The following MCM3 variants were observed in gnomAD, a reference collection of about 807,000 sequenced individuals.
MCM3 encodes minichromosome maintenance complex component 3.
Under a neutral mutation model 91.3 loss-of-function variants are expected in MCM3, and 59 were observed. That is an observed-to-expected ratio of 0.65 (90% CI 0.52 to 0.80). The LOEUF (loss-of-function observed/expected upper bound fraction) is 0.80. Among genes scored for constraint, MCM3 ranks in the 30% least tolerant of loss-of-function variants. The pLI, the probability that MCM3 is intolerant of heterozygous loss-of-function variation, is 0.00. For synonymous variants in MCM3, 383 were observed against 379.6 expected (o/e 1.01, Z -0.10); for missense variants, 919 against 1,035.4 (o/e 0.89, Z 1.54).
chr6:52,283,696 TA>T (rs1766365119), intron 1 of MCM3, among the ~76,000 whole-genome samples: 1 of 152,238 alleles, frequency 6.6e-6, no homozygotes, highest in African/African-American at 2.4e-5. Context: ...AGTGGAGAAT[TA>T]AAATGAGCTC....
intron 13 of MCM3, among the ~76,000 whole-genome samples, 182 bp downstream of exon 13, chr6:52,268,904 A>G (rs931193374): frequency 6.6e-6 from 1 of 152,348 alleles, no homozygotes; most frequent in African/African-American, 2.4e-5. Flanking sequence ...TCTCTGGTGC[A>G]GTCAGGGTTG....
chr6:52,264,997 T>A (rs1020105732), intron 16 of MCM3, among the ~76,000 whole-genome samples: 1 of 152,332 alleles, frequency 6.6e-6, no homozygotes, highest in East Asian at 1.9e-4. Flanking sequence ...GAAATTGGCA[T>A]TCCCATTCAC....
At chr6:52,271,638 G>A (rs1435466773) in intron 12 of MCM3, among the ~76,000 whole-genome samples, 20 of 152,026 alleles carry the variant, frequency 1.3e-4, no homozygotes, top group Admixed American at 1.3e-3. Context: ...GTGAAACTCT[G>A]TCTCACCAAA....
At chr6:52,269,956 A>G (rs1764962244) in intron 12 of MCM3, among the ~76,000 whole-genome samples, 1 of 152,190 alleles carries the variant, frequency 6.6e-6, no homozygotes, top group Non-Finnish European at 1.5e-5. Flanking sequence ...CATTTTATGG[A>G]TAAGAAAGCT....
intron 4 of MCM3, among the ~76,000 whole-genome samples, chr6:52,280,033 T>G (rs1765942927): frequency 6.6e-6 from 1 of 152,180 alleles, no homozygotes; most frequent in African/African-American, 2.4e-5. Context: ...TTCACATAAA[T>G]GAATACTATA....
At chr6:52,280,541 CAG>C (rs1185347162) in intron 4 of MCM3, among the ~76,000 whole-genome samples, 1 of 152,218 alleles carries the variant, frequency 6.6e-6, no homozygotes, top group Non-Finnish European at 1.5e-5. Context: ...AGTTAAGTAG[CAG>C]AGTCTTGACT....
intron 1 of MCM3, among the ~76,000 whole-genome samples, chr6:52,283,867 A>G (rs1279609852): frequency 1.3e-5 from 2 of 152,264 alleles, no homozygotes; most frequent in Non-Finnish European, 2.9e-5. Flanking sequence ...CTTCAAATAT[A>G]TACAATAAAA....
In MCM3 at chr6:52,283,321, C is replaced by T. The variant is rs750663816; in HGVS notation, c.164G>A (p.Arg55His). Reference protein sequence around the residue: ...YRLIVNVNDLRRKNEKRANRL... With the variant: ...YRLIVNVNDLHRKNEKRANRL... The stretch of plus-strand genomic sequence containing the variant: ...GTTAGCCCTCTTCTCGTTTTTCCTG[C>T]GCAGGTCATTCACATTGACAATCAG... Residue 55 changes from arginine (R) to histidine (H), a missense_variant, in exon 2 of 17, where the codon CGC (arginine) becomes CAC (histidine). Arg to His is a conservative substitution (Grantham distance 29). Coordinates refer to ENST00000596288, the MANE Select transcript of MCM3 (RefSeq NM_002388.6). 8 of 1,613,994 alleles carry T rather than the reference C, an allele frequency of 5.0e-6. No individual in the cohort carries two copies. Among genetic ancestry groups the T allele is most frequent in the African/African-American group, 1.3e-5 (1 of 74,900 alleles).
chr6:52,281,828 TA>T (rs1280683542), intron 4 of MCM3, among the ~76,000 whole-genome samples: 1 of 152,220 alleles, frequency 6.6e-6, no homozygotes, highest in Non-Finnish European at 1.5e-5. Flanking sequence ...TTAGGCAACA[TA>T]GGAGAACCTC....
chr6:52,264,536 A>G lies in MCM3; in HGVS notation c.*52T>C. 2.5e-6 allele frequency: 4 copies of G among 1,597,134 alleles called. No individual in the cohort carries two copies. The highest frequency in any genetic ancestry group is 3.4e-6 in the Non-Finnish European group (4 of 1,165,172). The stretch of plus-strand genomic sequence containing the variant: ...AGACTTGGGTCAGGGAGAGGGTGGG[A>G]AACACAGAACAAACTCTCTCGGCAC... On this transcript the variant is annotated 3_prime_UTR_variant, in exon 17 of 17. Coordinates refer to ENST00000596288, the MANE Select transcript of MCM3 (RefSeq NM_002388.6).
intron 9 of MCM3, among the ~76,000 whole-genome samples, chr6:52,275,645 T>C (rs973679228): frequency 1.3e-5 from 2 of 152,124 alleles, no homozygotes; most frequent in Non-Finnish European, 2.9e-5. Flanking sequence ...TCATTCAAAA[T>C]AGGGAGGAAA....
At chr6:52,268,011 T>C (rs773809751) in intron 13 of MCM3, 43 bp from the exon 14 acceptor site, 16 of 1,613,622 alleles carry the variant, frequency 9.9e-6, no homozygotes, top group African/African-American at 2.7e-5. Context: ...GGGTCACTGA[T>C]GCAGGGGAAC....
chr6:52,265,990 T>C (rs187161083), intron 16 of MCM3, 85 bp downstream of exon 16: 220 of 1,186,272 alleles, frequency 1.9e-4, no homozygotes, highest in Admixed American at 9.1e-4. Context: ...CAGCAGTTTG[T>C]TTCCCACCCT....
intron 12 of MCM3, among the ~76,000 whole-genome samples, chr6:52,270,528 T>C (rs1765042836): frequency 6.6e-6 from 1 of 152,176 alleles, no homozygotes; most frequent in Non-Finnish European, 1.5e-5. Context: ...TGTAATAATT[T>C]AGAAAGCTAC....
At position 52,276,253 on chromosome 6, in the gene MCM3, C is replaced by T. The variant is rs1374883858; in HGVS notation, c.1374+15G>A. ...ATGAAGGTGAGGACAATGGTTGGGGCCTGATTCCACTTACCCTGCCGTAGA... is the reference window on the plus strand; with the variant it reads ...ATGAAGGTGAGGACAATGGTTGGGGTCTGATTCCACTTACCCTGCCGTAGA... On this transcript the variant is annotated intron_variant, in intron 9 of 16. Transcript: ENST00000596288. The T allele has an allele frequency of 1.9e-6, 3 of 1,600,914 alleles. No homozygotes were observed. Among genetic ancestry groups the T allele is most frequent in the East Asian group, 2.3e-5 (1 of 44,434 alleles).
intron 1 of MCM3, among the ~76,000 whole-genome samples, chr6:52,284,165 G>C (rs1055586889): frequency 6.6e-6 from 1 of 152,142 alleles, no homozygotes; most frequent in Non-Finnish European, 1.5e-5. Context: ...GAATGCAGCC[G>C]AATTATGGAG....
At chr6:52,267,747 AACTCCTGGACTCAAGTGACCC>A in intron 14 of MCM3, 97 bp downstream of exon 14, 1 of 679,880 alleles carries the variant, frequency 1.5e-6, no homozygotes, top group South Asian at 1.6e-5. Flanking sequence ...GCTGGTCTCA[AACTCCTGGACTCAAGTGACCC>A]ACCCGCCTCG....
At chr6:52,281,458 T>C (rs1037498111) in intron 4 of MCM3, among the ~76,000 whole-genome samples, 1 of 152,068 alleles carries the variant, frequency 6.6e-6, no homozygotes, top group African/African-American at 2.4e-5. Context: ...GGAGGATCAC[T>C]TGAGGCCACG....
Position 52,264,456 on chromosome 6 carries a change from C to A in MCM3, c.*132G>T, listed in dbSNP as rs1231301253. The A allele has an allele frequency of 3.0e-6, 3 of 984,112 alleles. No homozygotes were observed. The highest frequency in any genetic ancestry group is 4.6e-6 in the Non-Finnish European group (3 of 653,292). 61.0% of individuals were successfully genotyped at this position (984,112 alleles called of 1,614,324 possible). On this transcript the variant is annotated 3_prime_UTR_variant, in exon 17 of 17. Coordinates refer to ENST00000596288, the MANE Select transcript of MCM3 (RefSeq NM_002388.6). ...CACCGAGTCCTGAACTCAGCTTCATCACCAACATTCCTCGCCTTCAGTTGA... is the reference window on the plus strand; with the variant it reads ...CACCGAGTCCTGAACTCAGCTTCATAACCAACATTCCTCGCCTTCAGTTGA...
Sources: allele counts gnomAD v4.1 joint callset (sites outside exome capture counted in the v4.1 genomes callset), GRCh38; gene constraint gnomAD v4.1.1; transcripts MANE v1.5; gene names NCBI Gene and HGNC (gene_info 2026-07-23, HGNC 2026-07-21).